Variants in SPAG11A observed in about 807,000 individuals in gnomAD.
The protein encoded by SPAG11A is sperm associated antigen 11A.
SPAG11A carries 2 observed loss-of-function variants against 5.5 expected under a neutral mutation model. The ratio of observed to expected loss-of-function variants is 0.37; its 90% CI spans 0.15 to 1.15. SPAG11A has a LOEUF of 1.15. SPAG11A is among the 50% of genes most tolerant of loss of function. The pLI is 0.38. For synonymous variants in SPAG11A, 11 were observed against 42.7 expected, an observed-to-expected ratio of 0.26 and a Z score of 2.90; for missense variants, 24 against 122.5, an observed-to-expected ratio of 0.20 and a Z score of 3.80.
At chr8:7,863,249 A>C (rs1182413646), downstream of SPAG11A, among the ~76,000 whole-genome samples, 2 of 2,180 alleles carry the variant, frequency 9.2e-4, no homozygotes, top group Non-Finnish European at 3.1e-3. Flanking sequence ...TTTTTTTTTG[A>C]CCACTTGTTC....
chr8:7,860,343 C>G, intron 2 of SPAG11A: 1 of 1,429,078 alleles, frequency 7.0e-7, no homozygotes, highest in Non-Finnish European at 9.5e-7. Context: ...TTGTTTCCTT[C>G]TAGTGCACAT....
In SPAG11A at chr8:7,860,527, G is replaced by C. The variant is rs535862843; in HGVS notation, c.215-119G>C. 5.2e-6 allele frequency: 7 copies of C among 1,351,086 alleles called. No individual in the cohort carries two copies. In the Admixed American group the frequency reaches 1.5e-4, roughly 30 times the overall value. The allele number at this position is 1,351,086 out of a possible 1,614,324, so 83.7% of individuals were successfully genotyped here. Reference sequence around the variant, plus strand: ...GAGGCCAAAGTTCGGTTAAACTGGGGCTTGTCCAAAAATACTTAGCCTTGT... The same window carrying C: ...GAGGCCAAAGTTCGGTTAAACTGGGCCTTGTCCAAAAATACTTAGCCTTGT... On this transcript the variant is annotated intron_variant, in intron 2 of 2. Transcript: ENST00000642566.
intron 2 of SPAG11A, among the ~76,000 whole-genome samples, chr8:7,852,628 C>T (rs1304086335): frequency 3.9e-5 from 6 of 152,234 alleles, no homozygotes; most frequent in East Asian, 1.9e-4. Flanking sequence ...CCACCGCGCC[C>T]GGCCAGGTTA....
chr8:7,860,367 G>T (rs752097217), intron 2 of SPAG11A: 1 of 1,429,702 alleles, frequency 7.0e-7, no homozygotes, highest in Admixed American at 1.8e-5. Flanking sequence ...TCACCAGGAG[G>T]CTCGAGGACC....
At chr8:7,852,444 T>C (rs969994655) in intron 2 of SPAG11A, among the ~76,000 whole-genome samples, 1 of 152,182 alleles carries the variant, frequency 6.6e-6, no homozygotes, top group Non-Finnish European at 1.5e-5. Flanking sequence ...GCAATTCTCC[T>C]GCCTCAGCCT....
At chr8:7,860,533 C>A in intron 2 of SPAG11A, 113 bp from the exon 3 acceptor site, 2 of 1,353,536 alleles carry the variant, frequency 1.5e-6, no homozygotes, top group Admixed American at 2.2e-5. Flanking sequence ...TGGGGCTTGT[C>A]CAAAAATACT....
intron 2 of SPAG11A, among the ~76,000 whole-genome samples, chr8:7,860,002 G>A (rs1312665000): frequency 3.3e-5 from 5 of 150,374 alleles, no homozygotes; most frequent in African/African-American, 9.8e-5. Context: ...TCCTAATCAC[G>A]CAAGACCAAC....
At position 7,858,148 on chromosome 8, in the gene SPAG11A, C is replaced by G. The variant is rs534250673; in HGVS notation, c.215-2498C>G. Among the ~76,000 whole-genome samples the G allele has an allele frequency of 3.1e-3, 291 of 93,376 alleles. 26 individuals are homozygous for G. The highest frequency in any genetic ancestry group is 7.8e-3 in the African/African-American group (266 of 34,156). 61.3% of individuals were successfully genotyped at this position (93,376 alleles called of 152,430 possible). A position where few individuals can be genotyped will look rare whatever the true frequency, so the allele number is the denominator to read the frequency against. ...AAGCTAACAGCAATTGTTATGAAGC[C>G]CAGGGGGATAGGAGAGAAGACATCC... is the stretch of plus-strand genomic sequence containing the variant. On this transcript the variant is annotated intron_variant, in intron 2 of 2. Transcript: ENST00000642566.
intron 2 of SPAG11A, 72 bp from the exon 3 acceptor site, chr8:7,860,574 G>T: frequency 7.2e-7 from 1 of 1,384,942 alleles, no homozygotes. Flanking sequence ...ACCCTTGGCA[G>T]TGGGCTGGGT....
downstream of SPAG11A, among the ~76,000 whole-genome samples, chr8:7,861,688 T>G (rs1190466669): frequency 7.7e-6 from 1 of 129,496 alleles, no homozygotes; most frequent in Non-Finnish European, 1.7e-5. Flanking sequence ...TGCTGAGAGA[T>G]AGAGACCACA....
At chr8:7,859,885 C>A (rs1818137902) in intron 2 of SPAG11A, among the ~76,000 whole-genome samples, 1 of 132,876 alleles carries the variant, frequency 7.5e-6, no homozygotes. Flanking sequence ...AGGTGGACCC[C>A]CCACCTTCTT....
At chr8:7,862,110 A>AGCAAACGTGCATGCCTCAGAACT (rs1218110315), downstream of SPAG11A, among the ~76,000 whole-genome samples, 29 of 109,144 alleles carry the variant, frequency 2.7e-4, 5 homozygotes, top group South Asian at 7.1e-3. Flanking sequence ...AGTGAAACGC[A>AGCAAACGTGCATGCCTCAGAACT]GCAAACGTGC....
chr8:7,861,292 GTGT>G (rs1818206954), downstream of SPAG11A, among the ~76,000 whole-genome samples: 1 of 139,556 alleles, frequency 7.2e-6, no homozygotes. Flanking sequence ...CAGTAGGATA[GTGT>G]TGTTTTCAAG....
At position 7,860,645 on chromosome 8, in the gene SPAG11A, G is replaced by A; in HGVS notation, c.215-1G>A. 2.1e-6 allele frequency: 3 copies of A among 1,442,822 alleles called. 1 individual carries two copies. Among genetic ancestry groups the A allele is most frequent in the Admixed American group, 1.8e-5 (1 of 55,708 alleles). The allele number at this position is 1,442,822 out of a possible 1,614,324, so 89.4% of individuals were successfully genotyped here. A position where few individuals can be genotyped will look rare whatever the true frequency, so the allele number is the denominator to read the frequency against. ...TCAACTCTCTTCTGTTGTATCCATA[G>A]GGGATGTTCCACTGGGAATTAGAAA... On this transcript the variant is annotated splice_acceptor_variant, in intron 2 of 2. Coordinates refer to ENST00000642566, the Ensembl canonical transcript of SPAG11A. LOFTEE classifies it high-confidence loss of function.
intron 2 of SPAG11A, among the ~76,000 whole-genome samples, chr8:7,859,886 C>T (rs1818137995): frequency 7.5e-6 from 1 of 133,228 alleles, no homozygotes; most frequent in Non-Finnish European, 1.6e-5. Context: ...GGTGGACCCC[C>T]CACCTTCTTC....
Position 7,860,628 on chromosome 8 carries a change from C to T in SPAG11A, c.215-18C>T, listed in dbSNP as rs541431016. The T allele has an allele frequency of 6.2e-5, 88 of 1,421,042 alleles. 6 individuals are homozygous for T. In the African/African-American group the frequency reaches 1.0e-3, roughly 16 times the overall value. 88.0% of individuals were successfully genotyped at this position (1,421,042 alleles called of 1,614,324 possible). On this transcript the variant is annotated intron_variant, in intron 2 of 2. Transcript: ENST00000642566. ...ACTATATGAGTTAAATGTCAACTCTCTTCTGTTGTATCCATAGGGGATGTT... is the reference window on the plus strand; with the variant it reads ...ACTATATGAGTTAAATGTCAACTCTTTTCTGTTGTATCCATAGGGGATGTT...
Position 7,860,923 on chromosome 8 carries a change from T to C in SPAG11A, c.*90T>C, listed in dbSNP as rs556041412. The C allele has an allele frequency of 8.4e-5, 83 of 983,108 alleles. 10 individuals are homozygous for C. In the East Asian group the frequency reaches 2.4e-3, roughly 28 times the overall value. 60.9% of individuals were successfully genotyped at this position (983,108 alleles called of 1,614,324 possible). A position where few individuals can be genotyped will look rare whatever the true frequency, so the allele number is the denominator to read the frequency against. On this transcript the variant is annotated 3_prime_UTR_variant, in exon 3 of 3. Transcript: ENST00000642566. ...ATAGTAGGTGTTCAATAAATATTTG[T>C]TGAATGAATTTAGCACCAAAGGTGA...
In SPAG11A at chr8:7,857,886, G is replaced by T. The variant is rs1292406124; in HGVS notation, c.215-2760G>T. Among the ~76,000 whole-genome samples the T allele has an allele frequency of 5.5e-5, 5 of 91,358 alleles. 1 individual carries two copies. Among genetic ancestry groups the T allele is most frequent in the Non-Finnish European group, 5.6e-5 (2 of 35,904 alleles). The allele number at this position is 91,358 out of a possible 152,430, so 59.9% of individuals were successfully genotyped here. ...TTGATGTCTCTTTTTCAAAATCCAT[G>T]TCTAGGTAAGACTCATGGTGAGATA... On this transcript the variant is annotated intron_variant, in intron 2 of 2. Coordinates refer to ENST00000642566, the Ensembl canonical transcript of SPAG11A.
downstream of SPAG11A, among the ~76,000 whole-genome samples, chr8:7,863,212 G>GTTTTTTTTTTT (rs1264249027): frequency 1.1e-4 from 1 of 9,412 alleles, no homozygotes; most frequent in South Asian, 0.019. Context: ...CTGCAGATGG[G>GTTTTTTTTTTT]ATTTTTTTTT....
Sources: gnomAD v4.1 joint callset for allele counts (sites outside exome capture counted in the v4.1 genomes callset) on GRCh38, gnomAD v4.1.1 for gene constraint, MANE v1.5 for transcripts, NCBI Gene and HGNC (gene_info 2026-07-23, HGNC 2026-07-21) for gene names.